Variants in NEGR1 observed in about 807,000 individuals in gnomAD.
The protein encoded by NEGR1 is IgLON family member 4.
Under a neutral mutation model 40.9 loss-of-function variants are expected in NEGR1, and 10 were observed. The ratio of observed to expected loss-of-function variants is 0.24; its 90% CI spans 0.15 to 0.42. The LOEUF is 0.42. Ranked by LOEUF, NEGR1 falls within the 10% of genes least tolerant of loss-of-function variation. NEGR1 has a pLI of 1.00. For synonymous variants in NEGR1, 185 were observed against 166.8 expected (o/e 1.11, Z -0.84); for missense variants, 352 against 438.9 (o/e 0.80, Z 1.77).
intron 6 of NEGR1, among the ~76,000 whole-genome samples, chr1:71,564,729 A>C (rs1222011006): frequency 6.6e-6 from 1 of 152,116 alleles, no homozygotes; most frequent in East Asian, 1.9e-4. Context: ...TGTCAAAGCA[A>C]CTAGTATATG....
chr1:71,693,808 C>G (rs1487870557), intron 4 of NEGR1, among the ~76,000 whole-genome samples: 1 of 151,474 alleles, frequency 6.6e-6, no homozygotes, highest in Admixed American at 6.6e-5. Context: ...ATTAGGGAAC[C>G]CCATTCATTT....
intron 1 of NEGR1, among the ~76,000 whole-genome samples, chr1:71,984,634 A>G (rs1646379899): frequency 6.6e-6 from 1 of 152,192 alleles, no homozygotes; most frequent in Non-Finnish European, 1.5e-5. Context: ...AAACCTAACA[A>G]TAAGTCTTAT....
At chr1:71,656,164 C>A (rs1239315668) in intron 4 of NEGR1, among the ~76,000 whole-genome samples, 2 of 152,252 alleles carry the variant, frequency 1.3e-5, no homozygotes, top group African/African-American at 4.8e-5. Flanking sequence ...ACTTCCCAAT[C>A]TGCACTGTTA....
At chr1:71,814,342 T>C (rs1658120479) in intron 2 of NEGR1, among the ~76,000 whole-genome samples, 1 of 152,170 alleles carries the variant, frequency 6.6e-6, no homozygotes, top group African/African-American at 2.4e-5. Flanking sequence ...TTTGCATCAA[T>C]GTTCATCAGG....
At chr1:72,125,255 T>C (rs1478675439) in intron 1 of NEGR1, among the ~76,000 whole-genome samples, 1 of 151,946 alleles carries the variant, frequency 6.6e-6, no homozygotes, top group African/African-American at 2.4e-5. Flanking sequence ...CTGAGAAAAA[T>C]TGAACGTATC....
chr1:71,495,407 G>A (rs549301849), intron 6 of NEGR1, among the ~76,000 whole-genome samples: 8 of 151,782 alleles, frequency 5.3e-5, no homozygotes, highest in Non-Finnish European at 1.2e-4. Flanking sequence ...AACCTGGGAG[G>A]CAGAGGTTGC....
At chr1:71,539,968 T>C (rs1190416097) in intron 6 of NEGR1, among the ~76,000 whole-genome samples, 1 of 151,812 alleles carries the variant, frequency 6.6e-6, no homozygotes, top group Non-Finnish European at 1.5e-5. Context: ...AGTATTTTGG[T>C]CCAGGCTATG....
chr1:71,782,803 G>T (rs1656763762), intron 2 of NEGR1, among the ~76,000 whole-genome samples: 3 of 152,076 alleles, frequency 2.0e-5, no homozygotes, highest in Non-Finnish European at 4.4e-5. Context: ...CTTTTTCATG[G>T]ATTCTCTGAG....
chr1:71,458,324 A>G (rs548112361), intron 6 of NEGR1, among the ~76,000 whole-genome samples: 1 of 152,318 alleles, frequency 6.6e-6, no homozygotes, highest in Non-Finnish European at 1.5e-5. Flanking sequence ...TTCCTTTGTC[A>G]TTAGATTAAA....
At chr1:72,077,264 A>C (rs979523051) in intron 1 of NEGR1, among the ~76,000 whole-genome samples, 1 of 152,044 alleles carries the variant, frequency 6.6e-6, no homozygotes. Flanking sequence ...ATGTTGAACA[A>C]TGGGATGTCA....
intron 1 of NEGR1, among the ~76,000 whole-genome samples, chr1:72,135,391 A>C (rs1303240804): frequency 7.8e-6 from 1 of 128,614 alleles, no homozygotes; most frequent in Non-Finnish European, 1.6e-5. Context: ...AAAAAAAAAC[A>C]AAAAACAAAA....
chr1:72,059,281 C>G (rs1237911481), intron 1 of NEGR1, among the ~76,000 whole-genome samples: 1 of 151,200 alleles, frequency 6.6e-6, no homozygotes, highest in South Asian at 2.1e-4. Context: ...CCACAAAGTT[C>G]TGTGTGTAAT....
intron 2 of NEGR1, among the ~76,000 whole-genome samples, chr1:71,846,387 A>ACCCACC (rs1659412877): frequency 1.1e-5 from 1 of 87,468 alleles, no homozygotes; most frequent in Non-Finnish European, 2.2e-5. Flanking sequence ...ACCCACCCAC[A>ACCCACC]CACACACACA....
intron 2 of NEGR1, among the ~76,000 whole-genome samples, chr1:71,855,986 C>T (rs1201806904): frequency 6.6e-6 from 1 of 152,028 alleles, no homozygotes; most frequent in Non-Finnish European, 1.5e-5. Context: ...AAAATGCCTT[C>T]TTACAGTTAT....
At chr1:71,418,552 T>G (rs886637539) in intron 6 of NEGR1, among the ~76,000 whole-genome samples, 17 of 152,128 alleles carry the variant, frequency 1.1e-4, no homozygotes, top group African/African-American at 4.1e-4. Context: ...TTTTAGCTCC[T>G]TGGGTTTACA....
intron 2 of NEGR1, among the ~76,000 whole-genome samples, chr1:71,915,467 C>G (rs889659452): frequency 3.3e-5 from 5 of 152,046 alleles, no homozygotes; most frequent in Non-Finnish European, 7.4e-5. Context: ...AATGCACACA[C>G]AAACCTCTTA....
chr1:71,923,203 G>C (rs929364567), intron 2 of NEGR1, among the ~76,000 whole-genome samples: 1 of 152,104 alleles, frequency 6.6e-6, no homozygotes, highest in African/African-American at 2.4e-5. Flanking sequence ...AACCCGCCAT[G>C]CATTTGAAAA....
intron 2 of NEGR1, among the ~76,000 whole-genome samples, chr1:71,817,374 C>T (rs371944768): frequency 2.3e-4 from 35 of 152,200 alleles, no homozygotes; most frequent in African/African-American, 8.2e-4. Flanking sequence ...AGCCCAAGTA[C>T]TTCCCCACCA....
chr1:71,439,744 A>G (rs1199658281), intron 6 of NEGR1: 3 of 152,186 alleles, frequency 2.0e-5, no homozygotes, highest in Non-Finnish European at 2.9e-5. Context: ...GCTTTATTAA[A>G]GATTCTGGAT....
Sources: gnomAD v4.1 joint callset for allele counts (sites outside exome capture counted in the v4.1 genomes callset) on GRCh38, gnomAD v4.1.1 for gene constraint, MANE v1.5 for transcripts, NCBI Gene and HGNC (gene_info 2026-07-23, HGNC 2026-07-21) for gene names.